The following ANKRD6 variants were observed in gnomAD, a reference collection of about 807,000 sequenced individuals.
ANKRD6 encodes the protein ankyrin repeat domain 6.
ANKRD6 carries 56 observed loss-of-function variants against 82.3 expected under a neutral mutation model. That is an observed-to-expected ratio of 0.68 (90% CI 0.55 to 0.85). ANKRD6 has a LOEUF of 0.85. ANKRD6 is among the 40% of genes least tolerant of loss of function. The pLI, the probability that ANKRD6 is intolerant of heterozygous loss-of-function variation, is 0.00. For missense variants in ANKRD6, 852 were observed against 907.6 expected, an observed-to-expected ratio of 0.94 and a Z score of 0.79; for synonymous variants, 347 against 352.1, an observed-to-expected ratio of 0.99 and a Z score of 0.16.
intron 7 of ANKRD6, among the ~76,000 whole-genome samples, chr6:89,615,427 C>A (rs1332386023): frequency 6.6e-6 from 1 of 152,168 alleles, no homozygotes; most frequent in Non-Finnish European, 1.5e-5. Context: ...CCCTGCATAG[C>A]CCCCACCAAC....
At chr6:89,625,756 T>G (rs75599352) in intron 13 of ANKRD6, among the ~76,000 whole-genome samples, 1 of 150,646 alleles carries the variant, frequency 6.6e-6, no homozygotes, top group Admixed American at 6.6e-5. Flanking sequence ...TTTTTTTTTT[T>G]TAGATGGGGT....
Position 89,606,098 on chromosome 6 carries a change from A to AG in ANKRD6, c.411dup (p.Asn138GlufsTer31). ...AAAGCAGGAGCCAACGTGCTTGCCA[A>AG]GAACAAGGTGAGGCCTGGCAGATGC... On this transcript the variant is annotated frameshift_variant, in exon 5 of 16. Coordinates refer to ENST00000339746, the MANE Select transcript of ANKRD6 (RefSeq NM_001242809.2). LOFTEE classifies it high-confidence loss of function. The AG allele has an allele frequency of 1.9e-6, 3 of 1,569,438 alleles. No homozygotes were observed. The highest frequency in any genetic ancestry group is 2.6e-6 in the Non-Finnish European group (3 of 1,156,332).
chr6:89,445,164 C>G (rs952806759), intron 1 of ANKRD6, among the ~76,000 whole-genome samples: 5 of 151,586 alleles, frequency 3.3e-5, no homozygotes, highest in Admixed American at 6.6e-5. Flanking sequence ...TGTGCTCTCT[C>G]TGTGTCTCTA....
intron 2 of ANKRD6, among the ~76,000 whole-genome samples, chr6:89,575,301 G>C (rs1026090428): frequency 6.6e-6 from 1 of 152,132 alleles, no homozygotes. Flanking sequence ...ACCTGCCTTG[G>C]GGGAAGAGGG....
At chr6:89,512,892 CT>C (rs1315664750) in intron 1 of ANKRD6, among the ~76,000 whole-genome samples, 4 of 151,936 alleles carry the variant, frequency 2.6e-5, no homozygotes, top group Admixed American at 6.6e-5. Context: ...CTGTTTTTTT[CT>C]TTTCTATTTC....
At chr6:89,576,869 C>G (rs1791224573) in intron 2 of ANKRD6, among the ~76,000 whole-genome samples, 1 of 152,166 alleles carries the variant, frequency 6.6e-6, no homozygotes, top group Non-Finnish European at 1.5e-5. Context: ...TACCATGTCT[C>G]CATCTCCAGC....
Position 89,612,261 on chromosome 6 carries a change from C to T in ANKRD6, c.418-11C>T. Reference sequence around the variant, plus strand: ...GCTAATATGTCCTCCCTCTCTCTGCCTCTCTCCAAGGCGGGGAACACAGCT... The same window carrying T: ...GCTAATATGTCCTCCCTCTCTCTGCTTCTCTCCAAGGCGGGGAACACAGCT... On this transcript the variant is annotated splice_polypyrimidine_tract_variant and intron_variant, in intron 5 of 15. Coordinates refer to ENST00000339746, the MANE Select transcript of ANKRD6 (RefSeq NM_001242809.2). 1 of 1,553,504 alleles carries T rather than the reference C, an allele frequency of 6.4e-7. No individual in the cohort carries two copies. The highest frequency in any genetic ancestry group is 8.7e-7 in the Non-Finnish European group (1 of 1,147,548).
At chr6:89,609,876 A>G (rs539890799) in intron 5 of ANKRD6, among the ~76,000 whole-genome samples, 27 of 152,090 alleles carry the variant, frequency 1.8e-4, no homozygotes, top group African/African-American at 6.3e-4. Flanking sequence ...TCCCAAGGTG[A>G]TGGATTACAG....
At chr6:89,538,690 A>G (rs1270857220) in intron 1 of ANKRD6, among the ~76,000 whole-genome samples, 2 of 152,198 alleles carry the variant, frequency 1.3e-5, no homozygotes, top group East Asian at 1.9e-4. Flanking sequence ...TAGTTACTAC[A>G]TGTTGAAGTA....
rs750711496 is a variant in ANKRD6, at chr6:89,567,115, G to A, written c.120+19G>A. 3.2e-6 allele frequency: 5 copies of A among 1,568,810 alleles called. No homozygotes were observed. Among genetic ancestry groups the A allele is most frequent in the South Asian group, 2.3e-5 (2 of 85,308 alleles). ...TACCAAGGTAACAAGAGAAAAATAC[G>A]CTGTAGCCATTCCCTGGGAACTGGC... On this transcript the variant is annotated intron_variant, in intron 2 of 15. Coordinates refer to ENST00000339746, the MANE Select transcript of ANKRD6 (RefSeq NM_001242809.2).
At chr6:89,527,258 C>CA (rs1782601150) in intron 1 of ANKRD6, among the ~76,000 whole-genome samples, 1 of 152,000 alleles carries the variant, frequency 6.6e-6, no homozygotes, top group Non-Finnish European at 1.5e-5. Context: ...AGTAAGTATG[C>CA]AAAAGGATTA....
chr6:89,624,272 G>A (rs1485049620), intron 12 of ANKRD6, among the ~76,000 whole-genome samples: 1 of 152,168 alleles, frequency 6.6e-6, no homozygotes, highest in African/African-American at 2.4e-5. Flanking sequence ...AGAGCTTGCT[G>A]CACAATCCTC....
At chr6:89,518,701 A>G (rs1012687777) in intron 1 of ANKRD6, among the ~76,000 whole-genome samples, 2 of 152,170 alleles carry the variant, frequency 1.3e-5, no homozygotes, top group African/African-American at 2.4e-5. Context: ...CAATGCTCAG[A>G]AAGTTAAGAG....
intron 1 of ANKRD6, among the ~76,000 whole-genome samples, chr6:89,480,706 G>A (rs1453234383): frequency 2.0e-5 from 3 of 151,182 alleles, no homozygotes; most frequent in African/African-American, 7.3e-5. Context: ...GGGAGGCCAA[G>A]GCAGGAGGAT....
chr6:89,493,724 T>C (rs1040469179), intron 1 of ANKRD6, among the ~76,000 whole-genome samples: 1 of 152,150 alleles, frequency 6.6e-6, no homozygotes, highest in Admixed American at 6.5e-5. Flanking sequence ...CCTGTCTGTC[T>C]CTTATAAGGA....
At chr6:89,598,216 G>A (rs1001114829) in intron 3 of ANKRD6, 2 of 985,292 alleles carry the variant, frequency 2.0e-6, no homozygotes, top group African/African-American at 1.7e-5. Context: ...TGCAACTCCA[G>A]GAGCAAATTC....
rs61159223 is a variant in ANKRD6 at position 89,579,756 on chromosome 6, C to CAAAAAA, written c.120+12677_120+12682dup. ...TGGGCCACAGAGCAAGACCCTGTCT[C>CAAAAAA]AAAAAAAAAAAAAAAAAAAAAAGGC... On this transcript the variant is annotated intron_variant, in intron 2 of 15. Transcript: ENST00000339746. Among the ~76,000 whole-genome samples the CAAAAAA allele has an allele frequency of 1.6e-3, 110 of 68,184 alleles. 1 individual carries two copies. The highest frequency in any genetic ancestry group is 4.7e-3 in the East Asian group (8 of 1,720). The allele number at this position is 68,184 out of a possible 152,430, so 44.7% of individuals were successfully genotyped here. A position where few individuals can be genotyped will look rare whatever the true frequency, so the allele number is the denominator to read the frequency against.
chr6:89,511,775 T>A (rs540345396), intron 1 of ANKRD6, among the ~76,000 whole-genome samples: 1 of 152,260 alleles, frequency 6.6e-6, no homozygotes, highest in East Asian at 1.9e-4. Context: ...CTACATTTTT[T>A]TGTTTGTTTT....
intron 1 of ANKRD6, among the ~76,000 whole-genome samples, chr6:89,449,168 A>G (rs1772502880): frequency 6.6e-6 from 1 of 152,228 alleles, no homozygotes; most frequent in South Asian, 2.1e-4. Context: ...CATTAAGAAC[A>G]TTCATGATTC....
Sources: allele counts gnomAD v4.1 joint callset (sites outside exome capture counted in the v4.1 genomes callset), GRCh38; gene constraint gnomAD v4.1.1; transcripts MANE v1.5; gene names NCBI Gene and HGNC (gene_info 2026-07-23, HGNC 2026-07-21).